EXOC6B: variants seen among roughly 807,000 people sequenced by gnomAD.
EXOC6B encodes the protein SEC15 homolog B.
A neutral mutation model predicts 113.5 loss-of-function variants in EXOC6B; 54 were observed. The observed-to-expected ratio is 0.48, with a 90% CI of 0.38 to 0.60. EXOC6B has a LOEUF of 0.60. Ranked by LOEUF, EXOC6B falls within the 20% of genes least tolerant of loss-of-function variation. The pLI is 0.00. For missense variants in EXOC6B, 797 were observed against 977.5 expected (o/e 0.82, Z 2.46); for synonymous variants, 357 against 339.0 (o/e 1.05, Z -0.58).
At chr2:72,389,070 C>T (rs191571630) in intron 18 of EXOC6B, among the ~76,000 whole-genome samples, 17 of 152,086 alleles carry the variant, frequency 1.1e-4, no homozygotes, top group African/African-American at 3.1e-4. Context: ...ATTCACAGTA[C>T]GATTGGATTT....
intron 18 of EXOC6B, among the ~76,000 whole-genome samples, chr2:72,458,231 T>G (rs1697371974): frequency 6.6e-6 from 1 of 152,178 alleles, no homozygotes; most frequent in African/African-American, 2.4e-5. Flanking sequence ...ATTTGGGTTC[T>G]TTTTCAGAAA....
At chr2:72,316,921 CAG>C (rs1558550953) in intron 20 of EXOC6B, among the ~76,000 whole-genome samples, 4 of 152,306 alleles carry the variant, frequency 2.6e-5, no homozygotes, top group Middle Eastern at 6.8e-3. Flanking sequence ...TGTCACTCTA[CAG>C]AGAGAGTACT....
chr2:72,449,763 A>C (rs2105357377), intron 18 of EXOC6B, among the ~76,000 whole-genome samples: 1 of 152,286 alleles, frequency 6.6e-6, no homozygotes, highest in Middle Eastern at 3.4e-3. Flanking sequence ...CTATATACCA[A>C]GTAATTCCTC....
intron 8 of EXOC6B, among the ~76,000 whole-genome samples, chr2:72,537,114 T>TC (rs1422893136): frequency 6.6e-6 from 1 of 152,198 alleles, no homozygotes; most frequent in Non-Finnish European, 1.5e-5. Flanking sequence ...CTATCTTCTT[T>TC]CCTTTTTTTT....
At position 72,498,471 on chromosome 2, in the gene EXOC6B, C is replaced by T; in HGVS notation, c.1320G>A (p.Lys440=). Reference sequence around the variant, plus strand: ...TTTCTCACCTGAAAATACCTGCCCACTTCTTTAGCAGAGTTTCACTATATT... The same window carrying T: ...TTTCTCACCTGAAAATACCTGCCCATTTCTTTAGCAGAGTTTCACTATATT... ...RDQYSETLLK[K]WAGIFRNILD... Residue 440 remains lysine (K), a synonymous_variant, in exon 13 of 22, where the codon AAG becomes AAA. Coordinates refer to ENST00000272427, the MANE Select transcript of EXOC6B (RefSeq NM_015189.3). 6.2e-7 allele frequency: 1 copy of T among 1,610,548 alleles called. No homozygotes were observed. The highest frequency in any genetic ancestry group is 1.3e-5 in the African/African-American group (1 of 74,938).
intron 2 of EXOC6B, among the ~76,000 whole-genome samples, chr2:72,740,907 C>A (rs985214612): frequency 2.0e-5 from 3 of 152,046 alleles, no homozygotes; most frequent in African/African-American, 7.2e-5. Flanking sequence ...TCGAGACCAT[C>A]CTGGCTAACA....
At chr2:72,226,422 T>C (rs1306847083) in intron 20 of EXOC6B, among the ~76,000 whole-genome samples, 1 of 152,122 alleles carries the variant, frequency 6.6e-6, no homozygotes, top group African/African-American at 2.4e-5. Context: ...TCTAAAATTA[T>C]TCCCCCAAAA....
chr2:72,796,523 C>A (rs370108453), intron 1 of EXOC6B, among the ~76,000 whole-genome samples: 1 of 151,098 alleles, frequency 6.6e-6, no homozygotes, highest in East Asian at 2.0e-4. Context: ...CCCCACTAGA[C>A]AATGTGCTCT....
intron 6 of EXOC6B, among the ~76,000 whole-genome samples, chr2:72,667,772 A>G (rs1675500292): frequency 6.6e-6 from 1 of 152,220 alleles, no homozygotes; most frequent in African/African-American, 2.4e-5. Flanking sequence ...ACAAAATTCT[A>G]GAAGAAATTC....
intron 20 of EXOC6B, among the ~76,000 whole-genome samples, chr2:72,225,048 C>T (rs539507778): frequency 5.2e-5 from 7 of 133,340 alleles, no homozygotes; most frequent in Non-Finnish European, 8.2e-5. Flanking sequence ...GATGGGGTTT[C>T]GCCATGTTGT....
At chr2:72,595,707 T>C (rs905780794) in intron 6 of EXOC6B, among the ~76,000 whole-genome samples, 1 of 151,792 alleles carries the variant, frequency 6.6e-6, no homozygotes, top group African/African-American at 2.4e-5. Context: ...AAGACATAGA[T>C]ACACAATAAG....
intron 1 of EXOC6B, among the ~76,000 whole-genome samples, chr2:72,821,961 A>G (rs1217561338): frequency 1.3e-5 from 2 of 152,350 alleles, no homozygotes; most frequent in South Asian, 2.1e-4. Flanking sequence ...TACATGAATT[A>G]TATCTCAATA....
chr2:72,477,853 T>C (rs949284669), intron 17 of EXOC6B, among the ~76,000 whole-genome samples: 1 of 152,220 alleles, frequency 6.6e-6, no homozygotes, highest in Non-Finnish European at 1.5e-5. Flanking sequence ...ATTTAATTTC[T>C]CACTTCTTTT....
At chr2:72,304,909 A>C (rs1686743826) in intron 20 of EXOC6B, among the ~76,000 whole-genome samples, 2 of 152,166 alleles carry the variant, frequency 1.3e-5, no homozygotes, top group African/African-American at 4.8e-5. Context: ...GATTGAGAAA[A>C]AGGTTTCCTG....
intron 6 of EXOC6B, among the ~76,000 whole-genome samples, chr2:72,670,878 G>T (rs555962594): frequency 6.6e-6 from 1 of 152,124 alleles, no homozygotes; most frequent in East Asian, 1.9e-4. Context: ...TTTTCTATGT[G>T]ATTCCATCCA....
intron 1 of EXOC6B, among the ~76,000 whole-genome samples, chr2:72,773,115 A>ATTTTCT (rs1683494397): frequency 8.5e-6 from 1 of 118,260 alleles, no homozygotes; most frequent in African/African-American, 3.7e-5. Flanking sequence ...TAGACCTTAG[A>ATTTTCT]TTTTCTTTTT....
intron 20 of EXOC6B, among the ~76,000 whole-genome samples, chr2:72,210,552 T>A (rs1458841841): frequency 1.3e-5 from 2 of 152,208 alleles, no homozygotes; most frequent in Non-Finnish European, 2.9e-5. Context: ...CTGCCATCTA[T>A]TTCAAAGCTA....
intron 6 of EXOC6B, among the ~76,000 whole-genome samples, chr2:72,680,767 C>T (rs956096516): frequency 3.3e-5 from 5 of 151,772 alleles, no homozygotes; most frequent in African/African-American, 1.2e-4. Flanking sequence ...AAGGAGCACT[C>T]CAATCTTCAT....
intron 18 of EXOC6B, among the ~76,000 whole-genome samples, chr2:72,411,877 G>C (rs1201150673): frequency 6.6e-6 from 1 of 151,992 alleles, no homozygotes; most frequent in Non-Finnish European, 1.5e-5. Flanking sequence ...TCAACAAGTA[G>C]AATCAAAAGC....
Sources: gnomAD v4.1 joint callset for allele counts (sites outside exome capture counted in the v4.1 genomes callset) on GRCh38, gnomAD v4.1.1 for gene constraint, MANE v1.5 for transcripts, NCBI Gene and HGNC (gene_info 2026-07-23, HGNC 2026-07-21) for gene names.